The following SLC14A2 variants were observed in gnomAD, a reference collection of about 807,000 sequenced individuals.
The protein encoded by SLC14A2 is urea transporter 2.
In SLC14A2, 91 loss-of-function variants were observed where a neutral mutation model predicts 104.6. The observed-to-expected ratio is 0.87, with a 90% CI of 0.73 to 1.04. The LOEUF (loss-of-function observed/expected upper bound fraction) is 1.04, where lower values mean the gene tolerates loss of function less well. Ranked by LOEUF, SLC14A2 falls within the 50% of genes least tolerant of loss-of-function variation. The pLI, the probability that SLC14A2 is intolerant of heterozygous loss-of-function variation, is 0.00. For synonymous variants in SLC14A2, 476 were observed against 466.4 expected (o/e 1.02, Z -0.27); for missense variants, 1,189 against 1,156.0 (o/e 1.03, Z -0.41).
chr18:45,199,623 C>T, the SLC14A2 span, among the ~76,000 whole-genome samples: 215 of 152,074 alleles, frequency 1.4e-3, 1 homozygote, highest in African/African-American at 4.2e-3. Flanking sequence ...GAATAGGAAC[C>T]TCTCATTTCT....
At chr18:45,644,296 C>A in intron 10 of SLC14A2, 136 bp downstream of exon 10, 1 of 709,638 alleles carries the variant, frequency 1.4e-6, no homozygotes, top group Non-Finnish European at 2.3e-6. Flanking sequence ...ACCAAGCACA[C>A]CTGTAACTTT....
intron 1 of SLC14A2, among the ~76,000 whole-genome samples, chr18:45,214,543 T>A (rs1169460323): frequency 2.0e-5 from 3 of 152,194 alleles, no homozygotes; most frequent in Admixed American, 6.5e-5. Flanking sequence ...TAATATTTCT[T>A]GTTACTGCTT....
At chr18:45,382,535 C>G (rs919953067) in intron 1 of SLC14A2, among the ~76,000 whole-genome samples, 5 of 152,246 alleles carry the variant, frequency 3.3e-5, no homozygotes, top group African/African-American at 1.2e-4. Context: ...TAGTACTTAA[C>G]TTTCTCCACC....
upstream of SLC14A2, among the ~76,000 whole-genome samples, chr18:45,208,914 T>C (rs1307961213): frequency 6.6e-6 from 1 of 151,838 alleles, no homozygotes; most frequent in Non-Finnish European, 1.5e-5. Context: ...TTATTATTTC[T>C]ACTATCATTA....
intron 2 of SLC14A2, among the ~76,000 whole-genome samples, chr18:45,580,354 G>A (rs923642353): frequency 5.3e-5 from 8 of 152,208 alleles, no homozygotes; most frequent in African/African-American, 1.7e-4. Flanking sequence ...TCATGGGAGT[G>A]GACAGGATCA....
chr18:45,277,674 G>T (rs1164144081), intron 1 of SLC14A2, among the ~76,000 whole-genome samples: 1 of 152,212 alleles, frequency 6.6e-6, no homozygotes, highest in Non-Finnish European at 1.5e-5. Flanking sequence ...CTCCCAAAGT[G>T]TTGGGCTTAC....
chr18:45,346,953 C>A (rs922914360), intron 1 of SLC14A2, among the ~76,000 whole-genome samples: 2 of 146,762 alleles, frequency 1.4e-5, no homozygotes, highest in African/African-American at 5.1e-5. Flanking sequence ...GGCAACACAG[C>A]GAGACTCAAA....
At chr18:45,184,814 A>G in the SLC14A2 span, among the ~76,000 whole-genome samples, 1 of 152,224 alleles carries the variant, frequency 6.6e-6, no homozygotes, top group Non-Finnish European at 1.5e-5. Flanking sequence ...CAGGTTTCAA[A>G]GCATTGACTT....
chr18:45,247,701 C>CTT (rs199702602), intron 1 of SLC14A2, among the ~76,000 whole-genome samples: 444 of 138,304 alleles, frequency 3.2e-3, no homozygotes, highest in African/African-American at 9.1e-3. Flanking sequence ...TAATGTAGGC[C>CTT]TTTTTTTTTT....
At chr18:45,222,804 C>T (rs1296910000) in intron 1 of SLC14A2, among the ~76,000 whole-genome samples, 1 of 152,144 alleles carries the variant, frequency 6.6e-6, no homozygotes, top group Non-Finnish European at 1.5e-5. Flanking sequence ...ATCGACTTCC[C>T]TAGAAAGTTG....
At chr18:45,367,761 T>TTGC (rs2085681095) in intron 1 of SLC14A2, among the ~76,000 whole-genome samples, 1 of 152,180 alleles carries the variant, frequency 6.6e-6, no homozygotes, top group African/African-American at 2.4e-5. Flanking sequence ...GTTGTTGTTG[T>TTGC]TGTTGAGCTG....
At chr18:45,354,721 G>C (rs2085535233) in intron 1 of SLC14A2, among the ~76,000 whole-genome samples, 1 of 152,186 alleles carries the variant, frequency 6.6e-6, no homozygotes, top group South Asian at 2.1e-4. Context: ...AATTAGGAAG[G>C]AGATGAAGTT....
At chr18:45,338,696 A>ACAAAAAC (rs1568158046) in intron 1 of SLC14A2, among the ~76,000 whole-genome samples, 4 of 116,326 alleles carry the variant, frequency 3.4e-5, no homozygotes, top group African/African-American at 1.1e-4. Flanking sequence ...AAAAAAAAAA[A>ACAAAAAC]AAAAAAAAAA....
At chr18:45,313,175 T>TTGA (rs2085095989) in intron 1 of SLC14A2, among the ~76,000 whole-genome samples, 1 of 152,310 alleles carries the variant, frequency 6.6e-6, no homozygotes, top group Non-Finnish European at 1.5e-5. Context: ...ACAGACTAAT[T>TTGA]TGATGAGCTG....
chr18:45,479,834 T>C (rs1338774474), intron 1 of SLC14A2, among the ~76,000 whole-genome samples: 1 of 152,194 alleles, frequency 6.6e-6, no homozygotes, highest in Non-Finnish European at 1.5e-5. Context: ...GCAACAGGCC[T>C]CTGAGCCCCC....
chr18:45,282,929 T>C (rs2084777713), intron 1 of SLC14A2, among the ~76,000 whole-genome samples: 1 of 152,180 alleles, frequency 6.6e-6, no homozygotes, highest in African/African-American at 2.4e-5. Flanking sequence ...TTCAAAAGAA[T>C]ACAAAATCAT....
intron 1 of SLC14A2, among the ~76,000 whole-genome samples, chr18:45,621,299 G>A (rs2045164648): frequency 2.0e-5 from 3 of 152,150 alleles, no homozygotes; most frequent in African/African-American, 7.2e-5. Context: ...CAGAATACAA[G>A]GAAAGGCCTC....
At chr18:45,504,553 C>G (rs1170238858) in intron 2 of SLC14A2, among the ~76,000 whole-genome samples, 1 of 152,216 alleles carries the variant, frequency 6.6e-6, no homozygotes, top group Non-Finnish European at 1.5e-5. Context: ...GTTGTCAAAA[C>G]TAATCATTTG....
chr18:45,621,335 G>A (rs921694139), intron 1 of SLC14A2, among the ~76,000 whole-genome samples: 1 of 152,178 alleles, frequency 6.6e-6, no homozygotes, highest in Admixed American at 6.5e-5. Context: ...GCAGCATCAG[G>A]GTTAGTTAGA....
Sources: gnomAD v4.1 joint callset for allele counts (sites outside exome capture counted in the v4.1 genomes callset) on GRCh38, gnomAD v4.1.1 for gene constraint, MANE v1.5 for transcripts, NCBI Gene and HGNC (gene_info 2026-07-23, HGNC 2026-07-21) for gene names.